CDH4: variants seen among roughly 807,000 people sequenced by gnomAD.
CDH4 encodes the protein cadherin-4.
In CDH4, 33 loss-of-function variants were observed where a neutral mutation model predicts 86.0. The observed-to-expected ratio is 0.38, with a 90% CI of 0.29 to 0.51. The LOEUF is 0.51. CDH4 is among the 20% of genes least tolerant of loss of function. CDH4 has a pLI of 0.86. For synonymous variants in CDH4, 555 were observed against 549.4 expected (o/e 1.01, Z -0.14); for missense variants, 1,114 against 1,307.4 (o/e 0.85, Z 2.28).
rs1275449779 is a variant in CDH4, at chr20:61,393,576, C to T, written c.169+138639C>T. Among the ~76,000 whole-genome samples, 1 of 152,172 alleles carries T rather than the reference C, an allele frequency of 6.6e-6. No individual in the cohort carries two copies. Among genetic ancestry groups the T allele is most frequent in the East Asian group, 1.9e-4 (1 of 5,198 alleles). On this transcript the variant is annotated intron_variant, in intron 2 of 15. Coordinates refer to ENST00000614565, the MANE Select transcript of CDH4 (RefSeq NM_001794.5). The surrounding 1 kb of genome is among the most constrained non-coding windows in gnomAD (Gnocchi z 4.3). ...ACGTAGCCCACATTCGCCACAGCCA[C>T]TTGGCTGAACCCTATTCTAGGTGTT...
intron 2 of CDH4, among the ~76,000 whole-genome samples, chr20:61,413,327 T>A (rs1158391071): frequency 1.3e-5 from 2 of 152,186 alleles, no homozygotes; most frequent in East Asian, 3.9e-4. Context: ...TTTTGGCTTT[T>A]GTCCTGGCAG....
At position 61,829,725 on chromosome 20, in the gene CDH4, CT is replaced by C. The variant is rs1373094233; in HGVS notation, c.577-14942del. On this transcript the variant is annotated intron_variant, in intron 4 of 15. Transcript: ENST00000614565. The surrounding 1 kb of genome is among the most constrained non-coding windows in gnomAD (Gnocchi z 4.2). ...CTCCCTCTGTGCCGACGCCCGTGGG[CT>C]GCAGACGGGTGGGTGACTGTGGGAC... Among the ~76,000 whole-genome samples, 1 of 152,176 alleles carries C rather than the reference CT, an allele frequency of 6.6e-6. No individual in the cohort carries two copies. The highest frequency in any genetic ancestry group is 1.5e-5 in the Non-Finnish European group (1 of 68,018).
chr20:61,335,190 C>T (rs574684750), intron 2 of CDH4, among the ~76,000 whole-genome samples: 136 of 152,276 alleles, frequency 8.9e-4, no homozygotes, highest in African/African-American at 3.1e-3. Flanking sequence ...TTGGCCCAGC[C>T]GATCTGGGAT....
At chr20:61,637,702 C>T (rs933525434) in intron 2 of CDH4, among the ~76,000 whole-genome samples, 4 of 152,190 alleles carry the variant, frequency 2.6e-5, no homozygotes, top group African/African-American at 9.7e-5. Context: ...TAGCATAAAG[C>T]ATCTGTGACA....
chr20:61,929,638 C>T lies in CDH4; in HGVS notation c.2035C>T (p.Leu679=). 1 of 1,614,082 alleles carries T rather than the reference C, an allele frequency of 6.2e-7. No individual in the cohort carries two copies. Among genetic ancestry groups the T allele is most frequent in the Non-Finnish European group, 8.5e-7 (1 of 1,180,032 alleles). ...CTATGCCCAACTCAGCTTGCGCATC[C>T]TGTACCTGGAGGCCGGGATGTATGA... The part of the protein sequence containing the change: ...GDYAQLSLRI[L]YLEAGMYDVP... The change falls in exon 13 of 16, where the codon CTG becomes TTG. Residue 679 remains leucine (L), a synonymous_variant. Coordinates refer to ENST00000614565, the MANE Select transcript of CDH4 (RefSeq NM_001794.5).
At chr20:61,580,807 C>T (rs1233362514) in intron 2 of CDH4, among the ~76,000 whole-genome samples, 2 of 152,104 alleles carry the variant, frequency 1.3e-5, no homozygotes, top group African/African-American at 2.4e-5. Context: ...CAAAGTGGGC[C>T]GACCCCAGTC....
chr20:61,672,952 C>G (rs1007956455), intron 2 of CDH4, among the ~76,000 whole-genome samples: 6 of 151,810 alleles, frequency 4.0e-5, no homozygotes, highest in African/African-American at 1.5e-4. Context: ...TCACTAGTGT[C>G]CATAGAAGAA....
chr20:61,278,701 G>C (rs963364470), intron 2 of CDH4, among the ~76,000 whole-genome samples: 3 of 152,232 alleles, frequency 2.0e-5, no homozygotes, highest in Non-Finnish European at 4.4e-5. Context: ...GGAGAGAAGG[G>C]GAGTGGTCCA....
intron 2 of CDH4, among the ~76,000 whole-genome samples, chr20:61,434,174 G>C (rs1480703642): frequency 1.3e-5 from 2 of 152,184 alleles, no homozygotes; most frequent in South Asian, 4.1e-4. Flanking sequence ...ACTAACCCAC[G>C]AGTGGTGTTT....
At chr20:61,382,352 G>A (rs76710707) in intron 2 of CDH4, among the ~76,000 whole-genome samples, 2,238 of 152,272 alleles carry the variant, frequency 0.015, 51 homozygotes, top group African/African-American at 0.05. Flanking sequence ...AGAGCAGAGC[G>A]AGAGAGCCTT....
chr20:61,643,087 T>C (rs1186155858), intron 2 of CDH4, among the ~76,000 whole-genome samples: 2 of 152,082 alleles, frequency 1.3e-5, no homozygotes, highest in Non-Finnish European at 2.9e-5. Flanking sequence ...ATAAAGAAAA[T>C]GAATGTCTTT....
rs916241556 is a variant in CDH4 at position 61,873,959 on chromosome 20, C to T, written c.1050+59C>T. ...GAGCTCCTGGTCCCCGCAGGACACC[C>T]ACAGGACCCTCGGGGAGCCTCTCCA... On this transcript the variant is annotated intron_variant, in intron 7 of 15. Coordinates refer to ENST00000614565, the MANE Select transcript of CDH4 (RefSeq NM_001794.5). The T allele has an allele frequency of 5.1e-6, 8 of 1,575,642 alleles. No individual in the cohort carries two copies. The African/African-American group carries it at 8.1e-5, about 16-fold the overall frequency.
chr20:61,658,382 A>G (rs926862642), intron 2 of CDH4, among the ~76,000 whole-genome samples: 1 of 152,162 alleles, frequency 6.6e-6, no homozygotes, highest in East Asian at 1.9e-4. Context: ...AGAGGGCTCC[A>G]TCGCAGCTGC....
chr20:61,929,489 G>T, intron 12 of CDH4, 120 bp from the exon 13 acceptor site: 1 of 707,262 alleles, frequency 1.4e-6, no homozygotes, highest in South Asian at 1.7e-5. Context: ...ATGTATGTGT[G>T]GTAACCAGGC....
chr20:61,903,158 C>T (rs769763183), intron 8 of CDH4, among the ~76,000 whole-genome samples: 8 of 152,308 alleles, frequency 5.3e-5, no homozygotes, highest in South Asian at 2.1e-4. Flanking sequence ...TATTTCACCC[C>T]GCACTGGGCA....
intron 2 of CDH4, among the ~76,000 whole-genome samples, chr20:61,560,453 C>T (rs1031013370): frequency 3.3e-5 from 5 of 152,180 alleles, no homozygotes; most frequent in Non-Finnish European, 5.9e-5. Context: ...GGGTGTGTGT[C>T]ACAGTTGTGG....
rs73304573 is a variant in CDH4, at chr20:61,327,843, C to T, written c.169+72906C>T. On this transcript the variant is annotated intron_variant, in intron 2 of 15. Coordinates refer to ENST00000614565, the MANE Select transcript of CDH4 (RefSeq NM_001794.5). ...CATCTCTAGCAGCTGAGGACTGTCT[C>T]ACCTCACTCCAGAGCATCCACAGAA... Among the ~76,000 whole-genome samples the T allele has an allele frequency of 2.4e-3, 362 of 152,272 alleles. 1 individual carries two copies. Among genetic ancestry groups the T allele is most frequent in the African/African-American group, 8.4e-3 (347 of 41,554 alleles).
chr20:61,916,374 A>G (rs1270279458), intron 9 of CDH4, among the ~76,000 whole-genome samples: 1 of 152,242 alleles, frequency 6.6e-6, no homozygotes, highest in East Asian at 1.9e-4. Flanking sequence ...AGTTACCTCA[A>G]ACATAAAATG....
intron 2 of CDH4, among the ~76,000 whole-genome samples, chr20:61,461,184 A>G (rs188716247): frequency 1.5e-3 from 232 of 151,896 alleles, no homozygotes; most frequent in Non-Finnish European, 2.7e-3. Flanking sequence ...TAATCTAGGA[A>G]GCCATTTTTT....
Sources: allele counts gnomAD v4.1 joint callset (sites outside exome capture counted in the v4.1 genomes callset), GRCh38; gene constraint gnomAD v4.1.1; non-coding constraint Gnocchi (gnomAD v3.1); transcripts MANE v1.5; gene names NCBI Gene and HGNC (gene_info 2026-07-23, HGNC 2026-07-21).